The following DSCAM variants were observed in gnomAD, a reference collection of about 807,000 sequenced individuals.
DSCAM encodes DS cell adhesion molecule.
Under a neutral mutation model 217.7 loss-of-function variants are expected in DSCAM, and 47 were observed. The observed-to-expected ratio is 0.22, with a 90% confidence interval of 0.17 to 0.28. The LOEUF (loss-of-function observed/expected upper bound fraction) is 0.28, where lower values mean the gene tolerates loss of function less well. Ranked by LOEUF, DSCAM falls within the 10% of genes least tolerant of loss-of-function variation. The pLI is 1.00. For synonymous variants in DSCAM, 1,056 were observed against 1,015.3 expected (o/e 1.04, Z -0.76); for missense variants, 2,080 against 2,618.3 (o/e 0.79, Z 4.49).
At chr21:40,125,068 C>T (rs1013554877) in intron 19 of DSCAM, among the ~76,000 whole-genome samples, 2 of 152,286 alleles carry the variant, frequency 1.3e-5, no homozygotes. Context: ...CCCTCCCTCA[C>T]CCTAGTCATT....
chr21:40,142,444 G>A, intron 18 of DSCAM, 114 bp downstream of exon 18: 1 of 1,160,416 alleles, frequency 8.6e-7, no homozygotes, highest in Non-Finnish European at 1.2e-6. Context: ...AGTGTCTATT[G>A]ATAAAGAGGT....
At chr21:40,534,791 CTTATT>C (rs1347338706) in intron 3 of DSCAM, among the ~76,000 whole-genome samples, 1 of 152,108 alleles carries the variant, frequency 6.6e-6, no homozygotes, top group Non-Finnish European at 1.5e-5. Context: ...TTCTATATTA[CTTATT>C]TTAATTTAAT....
At chr21:40,045,453 G>A (rs1428064439) in intron 30 of DSCAM, among the ~76,000 whole-genome samples, 1 of 152,192 alleles carries the variant, frequency 6.6e-6, no homozygotes, top group Non-Finnish European at 1.5e-5. Flanking sequence ...GGAACCAAAG[G>A]CAGCAAGTCT....
intron 3 of DSCAM, among the ~76,000 whole-genome samples, chr21:40,551,669 T>C (rs887675159): frequency 1.3e-5 from 2 of 152,128 alleles, no homozygotes; most frequent in Non-Finnish European, 2.9e-5. Flanking sequence ...GAAAGATATT[T>C]TGGGGTAAAA....
Position 40,664,982 on chromosome 21 carries a change from C to T in DSCAM, c.508+27828G>A, listed in dbSNP as rs549137010. On this transcript the variant is annotated intron_variant, in intron 3 of 32. Transcript: ENST00000400454. The stretch of plus-strand genomic sequence containing the variant: ...AAGAGTCTGGAACCTCCTCTTCTCT[C>T]CCTCTTGTTCCTGCTTTCCCCGTGT... 8.5e-5 allele frequency among the ~76,000 whole-genome samples: 13 copies of T among 152,240 alleles called. No homozygotes were observed. The East Asian group carries it at 2.5e-3, about 29-fold the overall frequency.
At chr21:40,271,658 G>A (rs113044876) in intron 11 of DSCAM, among the ~76,000 whole-genome samples, 2 of 152,120 alleles carry the variant, frequency 1.3e-5, no homozygotes, top group African/African-American at 4.8e-5. Context: ...CCACCTTTTG[G>A]TTCCTAAACA....
intron 3 of DSCAM, among the ~76,000 whole-genome samples, chr21:40,412,136 G>C (rs147792168): frequency 6.6e-6 from 1 of 152,172 alleles, no homozygotes; most frequent in Admixed American, 6.5e-5. Flanking sequence ...GGCTCCCCCA[G>C]CCATGTGGAA....
chr21:40,390,987 A>G (rs1404478883), intron 3 of DSCAM, among the ~76,000 whole-genome samples: 1 of 152,172 alleles, frequency 6.6e-6, no homozygotes, highest in African/African-American at 2.4e-5. Context: ...TAAAAGAAAG[A>G]AAACTGTATC....
chr21:40,536,673 A>T (rs538196421), intron 3 of DSCAM, among the ~76,000 whole-genome samples: 11 of 152,276 alleles, frequency 7.2e-5, no homozygotes, highest in South Asian at 6.2e-4. Flanking sequence ...CCCAAAGTGC[A>T]GGGATTACAG....
At chr21:40,171,379 A>G (rs867577991) in intron 15 of DSCAM, among the ~76,000 whole-genome samples, 8 of 152,132 alleles carry the variant, frequency 5.3e-5, no homozygotes, top group Admixed American at 4.6e-4. Flanking sequence ...TGCCAGGCCC[A>G]GGTCTGGTAT....
chr21:40,134,573 T>C (rs1002607565), intron 18 of DSCAM, among the ~76,000 whole-genome samples: 11 of 152,238 alleles, frequency 7.2e-5, no homozygotes, highest in Non-Finnish European at 1.5e-4. Flanking sequence ...TCTTTAACTA[T>C]AGTCACCACT....
At chr21:40,598,735 C>A (rs2077040876) in intron 3 of DSCAM, among the ~76,000 whole-genome samples, 1 of 151,964 alleles carries the variant, frequency 6.6e-6, no homozygotes, top group African/African-American at 2.4e-5. Context: ...GATCTCTTGA[C>A]CTTGTGATCT....
chr21:40,752,087 AG>A (rs2146564298), intron 1 of DSCAM, among the ~76,000 whole-genome samples: 1 of 152,318 alleles, frequency 6.6e-6, no homozygotes, highest in African/African-American at 2.4e-5. Context: ...AATAAAGTGC[AG>A]GTCATCTTTT....
rs531541588 is a variant in DSCAM at position 40,245,380 on chromosome 21, G to A, written c.2356+30717C>T. On this transcript the variant is annotated intron_variant, in intron 11 of 32. Coordinates refer to ENST00000400454, the MANE Select transcript of DSCAM (RefSeq NM_001389.5). ...GTCTGGGAACTGTTTCATGTTTTCA[G>A]GATTTACCCTAGCTCCTCTCTGACA... Among the ~76,000 whole-genome samples the A allele has an allele frequency of 2.0e-5, 3 of 152,280 alleles. No homozygotes were observed. The South Asian group carries it at 6.2e-4, about 32-fold the overall frequency.
In DSCAM at chr21:40,011,912, C is replaced by A. The variant is rs2837373; in HGVS notation, c.*1122G>T. The A allele has an allele frequency of 0.52, 78,418 of 151,960 alleles. 20,570 individuals carry two copies. Among genetic ancestry groups the A allele is most frequent in the Admixed American group, 0.62 (9,425 of 15,274 alleles). 9.4% of individuals were successfully genotyped at this position (151,960 alleles called of 1,614,324 possible). On this transcript the variant is annotated 3_prime_UTR_variant, in exon 33 of 33. Coordinates refer to ENST00000400454, the MANE Select transcript of DSCAM (RefSeq NM_001389.5). ...GGGCTACATTTCAGACTCCAGAGCACGGGTCTGGCAAATGTTTCCTGTAAT... is the reference window on the plus strand; with the variant it reads ...GGGCTACATTTCAGACTCCAGAGCAAGGGTCTGGCAAATGTTTCCTGTAAT...
At chr21:40,620,339 A>AAG (rs1159698029) in intron 3 of DSCAM, among the ~76,000 whole-genome samples, 1 of 144,470 alleles carries the variant, frequency 6.9e-6, no homozygotes, top group Admixed American at 6.9e-5. Context: ...AAGAAAAAGA[A>AAG]AGAAAGAGAA....
At chr21:40,122,306 T>A (rs1049229711) in intron 20 of DSCAM, among the ~76,000 whole-genome samples, 2 of 152,080 alleles carry the variant, frequency 1.3e-5, no homozygotes, top group Non-Finnish European at 2.9e-5. Flanking sequence ...GAGATAAAGA[T>A]AAGATGATTG....
chr21:40,326,688 T>C (rs997922629), intron 8 of DSCAM, among the ~76,000 whole-genome samples: 5 of 152,136 alleles, frequency 3.3e-5, no homozygotes, highest in Admixed American at 2.0e-4. Flanking sequence ...ATCACAGCCA[T>C]GTAGAAACAG....
At chr21:40,511,049 C>G (rs571956212) in intron 3 of DSCAM, among the ~76,000 whole-genome samples, 13 of 152,256 alleles carry the variant, frequency 8.5e-5, no homozygotes, top group African/African-American at 3.1e-4. Flanking sequence ...AAAAATGTAT[C>G]AGACTTGTTT....
Sources: allele counts gnomAD v4.1 joint callset (sites outside exome capture counted in the v4.1 genomes callset), GRCh38; gene constraint gnomAD v4.1.1; transcripts MANE v1.5; gene names NCBI Gene and HGNC (gene_info 2026-07-23, HGNC 2026-07-21).